The following HAS2 variants were observed in gnomAD, a reference collection of about 807,000 sequenced individuals.
HAS2 encodes the protein HA synthase 2.
HAS2 carries 16 observed loss-of-function variants against 51.6 expected under a neutral mutation model. That is an observed-to-expected ratio of 0.31 (90% CI 0.21 to 0.47). The LOEUF (loss-of-function observed/expected upper bound fraction) is 0.47, where lower values mean the gene tolerates loss of function less well. Among genes scored for constraint, HAS2 ranks in the 20% least tolerant of loss-of-function variants. The pLI is 1.00. For synonymous variants in HAS2, 228 were observed against 235.5 expected, an observed-to-expected ratio of 0.97 and a Z score of 0.29; for missense variants, 361 against 662.6, an observed-to-expected ratio of 0.54 and a Z score of 5.00.
At chr8:121,618,464 T>C (rs1249884794) in intron 2 of HAS2, among the ~76,000 whole-genome samples, 2 of 152,146 alleles carry the variant, frequency 1.3e-5, no homozygotes, top group East Asian at 3.9e-4. Flanking sequence ...ACTAATAAGA[T>C]TAAGTCACTC....
chr8:121,633,810 G>A (rs952280291), intron 1 of HAS2, among the ~76,000 whole-genome samples: 1 of 152,116 alleles, frequency 6.6e-6, no homozygotes, highest in Non-Finnish European at 1.5e-5. Context: ...TAAGCAGAGA[G>A]TGAAATGTTG....
chr8:121,623,292 T>C (rs1468039757), intron 2 of HAS2, among the ~76,000 whole-genome samples: 2 of 151,952 alleles, frequency 1.3e-5, no homozygotes, highest in Admixed American at 6.6e-5. Context: ...AAGTTGAAAA[T>C]GAGTGAAAGT....
intron 1 of HAS2, among the ~76,000 whole-genome samples, chr8:121,637,291 G>A (rs2130454079): frequency 6.6e-6 from 1 of 151,694 alleles, no homozygotes; most frequent in African/African-American, 2.4e-5. Context: ...TAACAGTGTG[G>A]CCTTGTTATA....
chr8:121,631,413 G>A (rs967662294), intron 1 of HAS2, among the ~76,000 whole-genome samples: 1 of 152,130 alleles, frequency 6.6e-6, no homozygotes, highest in Non-Finnish European at 1.5e-5. Context: ...ACTGTGGTGA[G>A]GAGCAAAATG....
At chr8:121,639,012 T>A (rs950157819) in intron 1 of HAS2, among the ~76,000 whole-genome samples, 5 of 151,588 alleles carry the variant, frequency 3.3e-5, no homozygotes, top group African/African-American at 1.2e-4. Flanking sequence ...TTTTTAAAAA[T>A]AATAACCTGG....
intron 2 of HAS2, among the ~76,000 whole-genome samples, chr8:121,625,675 A>ATTTTT (rs934743239): frequency 1.9e-5 from 2 of 108,104 alleles, no homozygotes; most frequent in Non-Finnish European, 3.5e-5. Context: ...AGTCCAGCTA[A>ATTTTT]TTTTTTTTTT....
intron 1 of HAS2, among the ~76,000 whole-genome samples, chr8:121,638,101 C>T (rs1008521930): frequency 6.6e-6 from 1 of 152,108 alleles, no homozygotes; most frequent in Non-Finnish European, 1.5e-5. Flanking sequence ...AATAAATGAA[C>T]CAGTGACAAG....
At chr8:121,623,622 A>G (rs1812804359) in intron 2 of HAS2, among the ~76,000 whole-genome samples, 2 of 152,212 alleles carry the variant, frequency 1.3e-5, no homozygotes, top group Non-Finnish European at 2.9e-5. Context: ...TTAAGATGTC[A>G]GAAGAATTAC....
At chr8:121,631,070 C>T (rs1419971976) in intron 1 of HAS2, among the ~76,000 whole-genome samples, 1 of 152,118 alleles carries the variant, frequency 6.6e-6, no homozygotes, top group East Asian at 1.9e-4. Flanking sequence ...GAATATACCT[C>T]CTCTCATCTC....
intron 1 of HAS2, among the ~76,000 whole-genome samples, chr8:121,631,293 T>G (rs1047160323): frequency 6.6e-6 from 1 of 152,172 alleles, no homozygotes; most frequent in African/African-American, 2.4e-5. Context: ...ACTGCACTAG[T>G]ATAACTTAAA....
chr8:121,618,602 C>T (rs1812737298), intron 2 of HAS2, among the ~76,000 whole-genome samples: 1 of 152,194 alleles, frequency 6.6e-6, no homozygotes. Context: ...AAGTCCCCAT[C>T]TCCCTATCCC....
At chr8:121,617,669 A>G (rs1812722854) in intron 2 of HAS2, among the ~76,000 whole-genome samples, 1 of 152,132 alleles carries the variant, frequency 6.6e-6, no homozygotes, top group East Asian at 1.9e-4. Flanking sequence ...AGAAAATTCT[A>G]TGACATTTTC....
Position 121,614,307 on chromosome 8 carries a change from G to A in HAS2, c.1461C>T (p.Ile487=), listed in dbSNP as rs1353313951. ...GLIPVSVWFT[I]LLGGVIFTIY... ...TGGTGAAAATCACACCACCCAGGAG[G>A]ATTGTAAACCAAACTGATACTGGAA... Residue 487 remains isoleucine, a synonymous_variant, in exon 4 of 4, where the codon ATC becomes ATT. Coordinates refer to ENST00000303924, the MANE Select transcript of HAS2 (RefSeq NM_005328.3). This position sits in a 1 kb window ranked among gnomAD's most constrained non-coding sequence, Gnocchi z 7.2. 1 of 1,613,984 alleles carries A rather than the reference G, an allele frequency of 6.2e-7. No homozygotes were observed. The highest frequency in any genetic ancestry group is 1.3e-5 in the African/African-American group (1 of 74,928).
rs775811262 is a variant in HAS2 at position 121,614,814 on chromosome 8, C to T, written c.954G>A (p.Thr318=). 2 of 1,614,200 alleles carry T rather than the reference C, an allele frequency of 1.2e-6. No homozygotes were observed. Among genetic ancestry groups the T allele is most frequent in the South Asian group, 1.1e-5 (1 of 91,078 alleles). Residue 318 remains threonine (T), a synonymous_variant, in exon 4 of 4, where the codon ACG becomes ACA. Transcript: ENST00000303924. This position sits in a 1 kb window ranked among gnomAD's most constrained non-coding sequence, Gnocchi z 7.2. ...QCSFGDDRHL[T]NRVLSLGYAT... is the part of the protein sequence containing the mutation. The stretch of plus-strand genomic sequence containing the variant: ...CATAGCCCAGGCTCAGCACCCGGTT[C>T]GTGAGATGCCTGTCATCACCAAAGC...
rs752713726 is a variant in HAS2 at position 121,614,019 on chromosome 8, T to A, written c.*90A>T. On this transcript the variant is annotated 3_prime_UTR_variant, in exon 4 of 4. Coordinates refer to ENST00000303924, the MANE Select transcript of HAS2 (RefSeq NM_005328.3). The surrounding 1 kb of genome is among the most constrained non-coding windows in gnomAD (Gnocchi z 7.2). Reference sequence around the variant, plus strand: ...GTCCCAGCAGCAGTGATATGTCTCCTTTGGTGGCATTATCTGATGCCACAA... The same window carrying A: ...GTCCCAGCAGCAGTGATATGTCTCCATTGGTGGCATTATCTGATGCCACAA... 5.6e-6 allele frequency: 9 copies of A among 1,602,230 alleles called. No homozygotes were observed. Among genetic ancestry groups the A allele is most frequent in the Middle Eastern group, 1.6e-4 (1 of 6,078 alleles).
Position 121,614,779 on chromosome 8 carries a change from T to C in HAS2, c.989A>G (p.Tyr330Cys), listed in dbSNP as rs1280590765. Residue 330 changes from tyrosine to cysteine, a missense_variant, in exon 4 of 4, where the codon TAC becomes TGC. By Grantham distance (194) the Tyr-to-Cys change is radical. Transcript: ENST00000303924. This position sits in a 1 kb window ranked among gnomAD's most constrained non-coding sequence, Gnocchi z 7.2. ...AGTAAGGCACTTAGATCGAGCTGTG[T>C]ATTTTGTTGCATAGCCCAGGCTCAG... Reference protein sequence around the residue: ...RVLSLGYATKYTARSKCLTET... With the variant: ...RVLSLGYATKCTARSKCLTET... 6.2e-7 allele frequency: 1 copy of C among 1,614,238 alleles called. No homozygotes were observed. Among genetic ancestry groups the C allele is most frequent in the East Asian group, 2.2e-5 (1 of 44,882 alleles).
rs114388704 is a variant in HAS2 at position 121,635,524 on chromosome 8, G to T, written c.-1+5329C>A. On this transcript the variant is annotated intron_variant, in intron 1 of 3. Transcript: ENST00000303924. ...GGAGGACTGGGAATCAGAAGAAATG[G>T]ATTCAAGTCTGCACTCTGCCTCATA... is the stretch of plus-strand genomic sequence containing the variant. Among the ~76,000 whole-genome samples the T allele has an allele frequency of 9.3e-3, 1,418 of 152,248 alleles. 26 individuals are homozygous for T. Among genetic ancestry groups the T allele is most frequent in the African/African-American group, 0.033 (1,351 of 41,542 alleles).
intron 2 of HAS2, among the ~76,000 whole-genome samples, chr8:121,622,592 T>C (rs1812787667): frequency 6.6e-6 from 1 of 151,548 alleles, no homozygotes; most frequent in Admixed American, 6.6e-5. Flanking sequence ...TGGGCCACAA[T>C]ACATGCAAGA....
intron 2 of HAS2, among the ~76,000 whole-genome samples, chr8:121,617,870 G>A (rs1199060047): frequency 2.0e-5 from 3 of 152,074 alleles, no homozygotes; most frequent in East Asian, 1.9e-4. Context: ...GGATTTGCAG[G>A]ACCTTCAACA....
Sources: gnomAD v4.1 joint callset for allele counts (sites outside exome capture counted in the v4.1 genomes callset) on GRCh38, gnomAD v4.1.1 for gene constraint, Gnocchi (gnomAD v3.1) non-coding constraint, MANE v1.5 for transcripts, NCBI Gene and HGNC (gene_info 2026-07-23, HGNC 2026-07-21) for gene names.